Variants in ARIH1 observed in about 807,000 individuals in gnomAD.
ARIH1 encodes ariadne RBR E3 ubiquitin protein ligase 1.
A neutral mutation model predicts 85.0 loss-of-function variants in ARIH1; 8 were observed. The ratio of observed to expected loss-of-function variants is 0.09; its 90% CI spans 0.06 to 0.17. The LOEUF (loss-of-function observed/expected upper bound fraction) is 0.17, where lower values mean the gene tolerates loss of function less well. Among genes scored for constraint, ARIH1 ranks in the 10% least tolerant of loss-of-function variants. ARIH1 has a pLI of 1.00. For missense variants in ARIH1, 311 were observed against 718.1 expected (o/e 0.43, Z 6.48); for synonymous variants, 238 against 253.6 (o/e 0.94, Z 0.59).
intron 1 of ARIH1, among the ~76,000 whole-genome samples, chr15:72,503,903 C>A (rs1024729764): frequency 2.0e-5 from 3 of 152,188 alleles, no homozygotes; most frequent in Non-Finnish European, 4.4e-5. Context: ...GTGCCTGCAA[C>A]CCCTGAAGCC....
At chr15:72,541,133 G>A (rs189495612) in intron 2 of ARIH1, among the ~76,000 whole-genome samples, 19 of 152,278 alleles carry the variant, frequency 1.2e-4, no homozygotes, top group East Asian at 3.9e-4. Context: ...GAGGATGTGG[G>A]GGTTAAAAGG....
At chr15:72,537,545 C>G (rs563994652) in intron 2 of ARIH1, among the ~76,000 whole-genome samples, 1 of 152,152 alleles carries the variant, frequency 6.6e-6, no homozygotes, top group East Asian at 1.9e-4. Flanking sequence ...ATCTTCATAC[C>G]TCATGTTACT....
chr15:72,555,790 G>A (rs2064172301), intron 4 of ARIH1, 62 bp from the exon 5 acceptor site: 4 of 1,416,512 alleles, frequency 2.8e-6, no homozygotes, highest in East Asian at 2.3e-5. Context: ...AGTGCCTGGC[G>A]ATGGTAAGCA....
intron 3 of ARIH1, 94 bp downstream of exon 3, chr15:72,545,058 G>A (rs2064122998): frequency 1.7e-6 from 2 of 1,201,248 alleles, no homozygotes; most frequent in Middle Eastern, 2.9e-4. Context: ...TTGTGGGTCT[G>A]GGAGTAGTAA....
At position 72,516,005 on chromosome 15, in the gene ARIH1, T is replaced by C. The variant is rs1339389903; in HGVS notation, c.376-2062T>C. ...ATTTAGGGAGCCCTTGCCCTAACCA[T>C]ATTAAATAAAAACATGGTGGTGGAA... is the stretch of plus-strand genomic sequence containing the variant. On this transcript the variant is annotated intron_variant, in intron 1 of 13. Coordinates refer to ENST00000379887, the MANE Select transcript of ARIH1 (RefSeq NM_005744.5). Among the ~76,000 whole-genome samples, 3 of 152,160 alleles carry C rather than the reference T, an allele frequency of 2.0e-5. No individual in the cohort carries two copies. The East Asian group carries it at 5.8e-4, about 29-fold the overall frequency.
Position 72,580,744 on chromosome 15 carries a change from C to T in ARIH1, c.1229C>T (p.Ala410Val). The T allele has an allele frequency of 6.2e-7, 1 of 1,613,178 alleles. No individual in the cohort carries two copies. The highest frequency in any genetic ancestry group is 1.1e-5 in the South Asian group (1 of 90,996). Residue 410 changes from alanine to valine, a missense_variant, in exon 12 of 14, where the codon GCC becomes GTC. Around this residue, in one of 3 missense-constraint regions of ARIH1, gnomAD observed 50 missense variants for 311.7 expected, o/e 0.16. Transcript: ENST00000379887. ...ARDAQERSRA[A>V]LQRYLFYCNR... is the part of the protein sequence containing the mutation. ...TTAATGGGACAGCGATCTAGGGCAGCCCTGCAGAGGTACCTGTTCTACTGT... is the reference window on the plus strand; with the variant it reads ...TTAATGGGACAGCGATCTAGGGCAGTCCTGCAGAGGTACCTGTTCTACTGT...
At chr15:72,537,751 A>G (rs2064089106) in intron 2 of ARIH1, among the ~76,000 whole-genome samples, 1 of 152,082 alleles carries the variant, frequency 6.6e-6, no homozygotes, top group Non-Finnish European at 1.5e-5. Context: ...GGCACCCTGG[A>G]TTTTTGTTCT....
chr15:72,571,301 T>C (rs1016759173), intron 10 of ARIH1, among the ~76,000 whole-genome samples: 4 of 152,178 alleles, frequency 2.6e-5, no homozygotes, highest in Non-Finnish European at 5.9e-5. Context: ...ATTTTATTCT[T>C]CATCTTCTCA....
rs2064169902 is a variant in ARIH1 at position 72,555,205 on chromosome 15, A to G, written c.589-66A>G. The G allele has an allele frequency of 5.2e-6, 6 of 1,162,960 alleles. No homozygotes were observed. In the South Asian group the frequency reaches 7.7e-5, roughly 15 times the overall value. 72.0% of individuals were successfully genotyped at this position (1,162,960 alleles called of 1,614,324 possible). On this transcript the variant is annotated intron_variant, in intron 3 of 13. Coordinates refer to ENST00000379887, the MANE Select transcript of ARIH1 (RefSeq NM_005744.5). Reference sequence around the variant, plus strand: ...AATGTGACCTTACAGAGCCCTGTTGAGTCACTGTTTATAGTGAGTTTTCTG... The same window carrying G: ...AATGTGACCTTACAGAGCCCTGTTGGGTCACTGTTTATAGTGAGTTTTCTG...
rs2064195123 is a variant in ARIH1, at chr15:72,561,003, G to C, written c.738-480G>C. Among the ~76,000 whole-genome samples the C allele has an allele frequency of 3.3e-5, 5 of 152,084 alleles. No individual in the cohort carries two copies. In the South Asian group the frequency reaches 1.0e-3, roughly 32 times the overall value. ...TTCTAAGAGCTCTCAGAAGAAGAAG[G>C]CTCTTAAAATTGTATCAGCTTTAGG... On this transcript the variant is annotated intron_variant, in intron 5 of 13. Coordinates refer to ENST00000379887, the MANE Select transcript of ARIH1 (RefSeq NM_005744.5).
In ARIH1 at chr15:72,580,722, A is replaced by G; in HGVS notation, c.1216-9A>G. 6.3e-7 allele frequency: 1 copy of G among 1,598,120 alleles called. No homozygotes were observed. The highest frequency in any genetic ancestry group is 2.2e-5 in the East Asian group (1 of 44,682). ...TAATTATATCACCCAATTTTTCTTA[A>G]TGGGACAGCGATCTAGGGCAGCCCT... On this transcript the variant is annotated splice_polypyrimidine_tract_variant and intron_variant, in intron 11 of 13. Coordinates refer to ENST00000379887, the MANE Select transcript of ARIH1 (RefSeq NM_005744.5).
chr15:72,563,471 T>C lies in ARIH1; in HGVS notation c.882T>C (p.Pro294=), dbSNP rs745961997. Reference sequence around the variant, plus strand: ...AAGTCCAATATCCTGATGCTAAACCTGTTCGCTGCAAATGTGGGCGCCAAT... The same window carrying C: ...AAGTCCAATATCCTGATGCTAAACCCGTTCGCTGCAAATGTGGGCGCCAAT... ...VVKVQYPDAK[P]VRCKCGRQFC... Residue 294 remains proline (P), a synonymous_variant, in exon 7 of 14, where the codon CCT becomes CCC. Coordinates refer to ENST00000379887, the MANE Select transcript of ARIH1 (RefSeq NM_005744.5). 7 of 1,614,120 alleles carry C rather than the reference T, an allele frequency of 4.3e-6. No homozygotes were observed. Among genetic ancestry groups the C allele is most frequent in the Middle Eastern group, 1.7e-4 (1 of 6,060 alleles).
At chr15:72,517,949 C>A in intron 1 of ARIH1, 118 bp from the exon 2 acceptor site, 1 of 662,322 alleles carries the variant, frequency 1.5e-6, no homozygotes, top group Non-Finnish European at 2.6e-6. Context: ...AAAGAAATAA[C>A]TCTAGGGATG....
At chr15:72,567,205 G>T (rs940483202) in intron 9 of ARIH1, 28 bp downstream of exon 9, 1 of 1,578,682 alleles carries the variant, frequency 6.3e-7, no homozygotes, top group Non-Finnish European at 8.7e-7. Flanking sequence ...GTAACTCTTG[G>T]TAATAAAAAT....
chr15:72,496,373 C>G (rs1214088404), intron 1 of ARIH1, among the ~76,000 whole-genome samples: 2 of 152,170 alleles, frequency 1.3e-5, no homozygotes, highest in African/African-American at 2.4e-5. Context: ...CAAACATACT[C>G]TAAGCACACA....
rs771690855 is a variant in ARIH1 at position 72,572,085 on chromosome 15, G to A, written c.1158-23G>A. On this transcript the variant is annotated intron_variant, in intron 10 of 13. Coordinates refer to ENST00000379887, the MANE Select transcript of ARIH1 (RefSeq NM_005744.5). ...TTCATTGATTTTTTTTTTCTTTATG[G>A]AATCCTCTTTATTTACTTGAAGGTA... The A allele has an allele frequency of 3.3e-6, 5 of 1,518,842 alleles. No homozygotes were observed. The Admixed American group carries it at 8.4e-5, about 26-fold the overall frequency. The allele number at this position is 1,518,842 out of a possible 1,614,324, so 94.1% of individuals were successfully genotyped here.
At position 72,563,533 on chromosome 15, in the gene ARIH1, C is replaced by T. The variant is rs1161025694; in HGVS notation, c.911+33C>T. Reference sequence around the variant, plus strand: ...AGTGATTTCCTAAATTGAAATAGTGCACAAAGCGTTTCCATTTCTCCTGTT... The same window carrying T: ...AGTGATTTCCTAAATTGAAATAGTGTACAAAGCGTTTCCATTTCTCCTGTT... On this transcript the variant is annotated intron_variant, in intron 7 of 13. Transcript: ENST00000379887. 6.5e-6 allele frequency: 10 copies of T among 1,535,144 alleles called. No individual in the cohort carries two copies. In the East Asian group the frequency reaches 2.0e-4, roughly 31 times the overall value.
intron 5 of ARIH1, among the ~76,000 whole-genome samples, chr15:72,559,985 C>T (rs555816261): frequency 6.6e-6 from 1 of 152,176 alleles, no homozygotes; most frequent in East Asian, 1.9e-4. Context: ...GTTTTTAATT[C>T]TCTTAAGTAT....
intron 1 of ARIH1, among the ~76,000 whole-genome samples, chr15:72,498,271 A>G (rs1205407299): frequency 1.3e-5 from 2 of 152,092 alleles, no homozygotes; most frequent in African/African-American, 2.4e-5. Context: ...AATGAGGCAC[A>G]TTTGTGCTTT....
Sources: allele counts gnomAD v4.1 joint callset (sites outside exome capture counted in the v4.1 genomes callset), GRCh38; gene constraint gnomAD v4.1.1; regional missense constraint gnomAD v4.1.1; transcripts MANE v1.5; gene names NCBI Gene and HGNC (gene_info 2026-07-23, HGNC 2026-07-21).